SNTG1: variants seen among roughly 807,000 people sequenced by gnomAD.
SNTG1 encodes the protein syntrophin gamma 1, also known as gamma-1-syntrophin.
A neutral mutation model predicts 74.7 loss-of-function variants in SNTG1; 39 were observed. The ratio of observed to expected loss-of-function variants is 0.52; its 90% CI spans 0.40 to 0.68. The LOEUF (loss-of-function observed/expected upper bound fraction) is 0.68. Ranked by LOEUF, SNTG1 falls within the 30% of genes least tolerant of loss-of-function variation. The pLI is 0.00. For missense variants in SNTG1, 685 were observed against 609.5 expected, an observed-to-expected ratio of 1.12 and a Z score of -1.30; for synonymous variants, 254 against 217.1, an observed-to-expected ratio of 1.17 and a Z score of -1.49.
intron 15 of SNTG1, among the ~76,000 whole-genome samples, chr8:50,673,793 A>G (rs561416046): frequency 2.0e-5 from 3 of 152,038 alleles, no homozygotes; most frequent in African/African-American, 7.2e-5. Context: ...TGCCCATTCA[A>G]TATTATATCT....
intron 1 of SNTG1, among the ~76,000 whole-genome samples, chr8:50,028,204 A>G (rs1048093470): frequency 6.6e-6 from 1 of 152,174 alleles, no homozygotes; most frequent in Non-Finnish European, 1.5e-5. Context: ...TATGAATGGA[A>G]TCATACAGAA....
chr8:50,265,470 G>C (rs2087417073), intron 2 of SNTG1, among the ~76,000 whole-genome samples: 1 of 152,014 alleles, frequency 6.6e-6, no homozygotes, highest in African/African-American at 2.4e-5. Flanking sequence ...AAAACAATCT[G>C]ATCAACCTTA....
At chr8:50,161,436 A>G (rs1020459123) in intron 1 of SNTG1, among the ~76,000 whole-genome samples, 1 of 152,230 alleles carries the variant, frequency 6.6e-6, no homozygotes, top group Non-Finnish European at 1.5e-5. Flanking sequence ...GTTCAGTTTC[A>G]TGGCTTGGGG....
rs574364327 is a variant in SNTG1 at position 50,410,832 on chromosome 8, G to A, written c.162+8488G>A. Among the ~76,000 whole-genome samples the A allele has an allele frequency of 9.2e-5, 14 of 152,124 alleles. No individual in the cohort carries two copies. The South Asian group carries it at 1.7e-3, about 18-fold the overall frequency. On this transcript the variant is annotated intron_variant, in intron 4 of 18. Transcript: ENST00000642720. ...TCTGTTCATTTATGTTATCACAAAC[G>A]GAAGGGTTCCCTTCTTTCCTCTGGC... is the stretch of plus-strand genomic sequence containing the variant.
intron 1 of SNTG1, among the ~76,000 whole-genome samples, chr8:49,976,008 CTTATTT>C (rs1812160137): frequency 6.6e-6 from 1 of 151,932 alleles, no homozygotes; most frequent in African/African-American, 2.4e-5. Flanking sequence ...GTTAGTTATT[CTTATTT>C]TTATTTCAAA....
intron 2 of SNTG1, among the ~76,000 whole-genome samples, chr8:50,326,853 A>G (rs1197254109): frequency 6.6e-6 from 1 of 152,092 alleles, no homozygotes; most frequent in Non-Finnish European, 1.5e-5. Context: ...AAGCACTGCT[A>G]TCTCTACATC....
At chr8:49,915,258 A>T (rs1805923417) in intron 1 of SNTG1, among the ~76,000 whole-genome samples, 1 of 152,176 alleles carries the variant, frequency 6.6e-6, no homozygotes, top group African/African-American at 2.4e-5. Flanking sequence ...ACTTTGTGGG[A>T]TACTGGAAAG....
At chr8:50,525,222 G>A (rs1268369068) in intron 9 of SNTG1, among the ~76,000 whole-genome samples, 6 of 151,966 alleles carry the variant, frequency 3.9e-5, no homozygotes, top group Non-Finnish European at 1.5e-5. Context: ...TCCCTATAAT[G>A]TTTCTGCTGA....
intron 12 of SNTG1, among the ~76,000 whole-genome samples, chr8:50,553,469 C>A (rs968513997): frequency 2.6e-5 from 4 of 152,024 alleles, no homozygotes; most frequent in Non-Finnish European, 5.9e-5. Context: ...TAAAAGCATT[C>A]GGGAATAATA....
chr8:50,450,434 G>A, intron 6 of SNTG1, 122 bp from the exon 7 acceptor site: 1 of 992,502 alleles, frequency 1.0e-6, no homozygotes, highest in Non-Finnish European at 1.5e-6. Context: ...CTTTTAAGAT[G>A]CTAACCATAT....
chr8:50,345,362 C>T (rs16914738), intron 2 of SNTG1, among the ~76,000 whole-genome samples: 9,914 of 152,140 alleles, frequency 0.065, 351 homozygotes, highest in African/African-American at 0.071. Context: ...GTTTTAGTGC[C>T]TGCGAGTGGT....
intron 8 of SNTG1, among the ~76,000 whole-genome samples, chr8:50,476,485 A>G (rs2093697684): frequency 6.6e-6 from 1 of 152,170 alleles, no homozygotes; most frequent in African/African-American, 2.4e-5. Context: ...AACATACTGG[A>G]TGGCAGAGCT....
At chr8:50,656,876 T>A in intron 13 of SNTG1, 33 bp from the exon 14 acceptor site, 5 of 1,399,902 alleles carry the variant, frequency 3.6e-6, no homozygotes, top group Non-Finnish European at 1.0e-6. Flanking sequence ...AATAAGAAGT[T>A]TTGACAGTTG....
intron 2 of SNTG1, among the ~76,000 whole-genome samples, chr8:50,277,265 A>C (rs1267222120): frequency 1.1e-3 from 24 of 22,508 alleles, no homozygotes; most frequent in East Asian, 7.8e-3. Context: ...AGACCCTGCC[A>C]AAAAAAAAAA....
intron 12 of SNTG1, among the ~76,000 whole-genome samples, chr8:50,583,691 T>C (rs1011576481): frequency 2.0e-5 from 3 of 151,780 alleles, no homozygotes; most frequent in Non-Finnish European, 4.4e-5. Context: ...CCTGGAACTG[T>C]AAGTAAATAG....
chr8:49,933,476 G>C (rs1296759903), intron 1 of SNTG1, among the ~76,000 whole-genome samples: 2 of 151,858 alleles, frequency 1.3e-5, no homozygotes, highest in Non-Finnish European at 2.9e-5. Flanking sequence ...TTTTGTCTTT[G>C]GTCCGTTTTG....
intron 1 of SNTG1, among the ~76,000 whole-genome samples, chr8:50,152,999 T>C (rs1037149250): frequency 2.0e-5 from 3 of 152,190 alleles, no homozygotes; most frequent in African/African-American, 7.2e-5. Flanking sequence ...ATGAGGAGTG[T>C]TTTCCAACTT....
intron 2 of SNTG1, among the ~76,000 whole-genome samples, chr8:50,307,516 C>T (rs2089951231): frequency 6.6e-6 from 1 of 151,392 alleles, no homozygotes; most frequent in Non-Finnish European, 1.5e-5. Flanking sequence ...TTTTTATTTT[C>T]CTCTTAGCCT....
chr8:50,342,370 T>C (rs117500427), intron 2 of SNTG1, among the ~76,000 whole-genome samples: 2,868 of 152,252 alleles, frequency 0.019, 38 homozygotes, highest in Middle Eastern at 0.048. Flanking sequence ...GTGTTTTGCA[T>C]GAACAATAAT....
Sources: gnomAD v4.1 joint callset for allele counts (sites outside exome capture counted in the v4.1 genomes callset) on GRCh38, gnomAD v4.1.1 for gene constraint, MANE v1.5 for transcripts, NCBI Gene and HGNC (gene_info 2026-07-23, HGNC 2026-07-21) for gene names.